Variants in LECT2 observed in about 807,000 individuals in gnomAD.
LECT2 encodes leukocyte cell-derived chemotaxin-2.
Under a neutral mutation model 16.6 loss-of-function variants are expected in LECT2, and 11 were observed. That is an observed-to-expected ratio of 0.66 (90% CI 0.42 to 1.09). The LOEUF (loss-of-function observed/expected upper bound fraction) is 1.09, where lower values mean the gene tolerates loss of function less well. Ranked by LOEUF, LECT2 falls within the 50% of genes least tolerant of loss-of-function variation. The probability of loss-of-function intolerance (pLI) is 0.00; values close to 1 mark genes in which losing one functional copy is unlikely to be tolerated. For synonymous variants in LECT2, 54 were observed against 64.8 expected, an observed-to-expected ratio of 0.83 and a Z score of 0.80; for missense variants, 173 against 184.2, an observed-to-expected ratio of 0.94 and a Z score of 0.35.
chr5:135,954,913 A>G lies in LECT2; in HGVS notation c.-80T>C. ...TTTGAAGAATATTCAAGTTTGAATG[A>G]ATACTTCCTAGCTATTTAGCCTTAG... On this transcript the variant is annotated 5_prime_UTR_variant, in exon 1 of 4. Transcript: ENST00000274507. 2.0e-6 allele frequency: 2 copies of G among 1,016,786 alleles called. No homozygotes were observed. The highest frequency in any genetic ancestry group is 1.8e-5 in the Admixed American group (1 of 56,654). 63.0% of individuals were successfully genotyped at this position (1,016,786 alleles called of 1,614,324 possible). A position where few individuals can be genotyped will look rare whatever the true frequency, so the allele number is the denominator to read the frequency against.
chr5:135,953,206 A>ATTT, intron 1 of LECT2: 43 of 318,998 alleles, frequency 1.3e-4, no homozygotes, highest in South Asian at 2.9e-4. Context: ...AGTGAATACA[A>ATTT]TTTTTTTTTT....
chr5:135,949,675 T>G (rs1763763756), intron 3 of LECT2, among the ~76,000 whole-genome samples: 1 of 152,222 alleles, frequency 6.6e-6, no homozygotes, highest in African/African-American at 2.4e-5. Flanking sequence ...AGCAGGACCC[T>G]TACGCAAAAG....
chr5:135,951,121 T>C lies in LECT2; in HGVS notation c.289+102A>G. 3 of 1,177,640 alleles carry C rather than the reference T, an allele frequency of 2.5e-6. No homozygotes were observed. The South Asian group carries it at 4.2e-5, about 17-fold the overall frequency. 72.9% of individuals were successfully genotyped at this position (1,177,640 alleles called of 1,614,324 possible). Reference sequence around the variant, plus strand: ...ATTCTTTCTGTTCCAGGTTTTATCATTTTGAAAGAAGTACAAAATCTCTAC... The same window carrying C: ...ATTCTTTCTGTTCCAGGTTTTATCACTTTGAAAGAAGTACAAAATCTCTAC... On this transcript the variant is annotated intron_variant, in intron 3 of 3. Coordinates refer to ENST00000274507, the MANE Select transcript of LECT2 (RefSeq NM_002302.3).
chr5:135,953,551 T>A (rs1763824352), intron 1 of LECT2, among the ~76,000 whole-genome samples: 1 of 152,224 alleles, frequency 6.6e-6, no homozygotes, highest in Non-Finnish European at 1.5e-5. Context: ...TTGCTTCAGA[T>A]CCATTAGTAA....
At chr5:135,953,899 T>C (rs1250066602) in intron 1 of LECT2, among the ~76,000 whole-genome samples, 1 of 151,968 alleles carries the variant, frequency 6.6e-6, no homozygotes, top group East Asian at 1.9e-4. Context: ...GAACCAATTA[T>C]ATGAAAAATT....
chr5:135,951,244 C>T lies in LECT2; in HGVS notation c.268G>A (p.Gly90Ser), dbSNP rs1763791801. Residue 90 changes from glycine to serine, a missense_variant, in exon 3 of 4, where the codon GGT (glycine) becomes AGT (serine). Gly to Ser is a moderately conservative substitution (Grantham distance 56, BLOSUM62 0). Coordinates refer to ENST00000274507, the MANE Select transcript of LECT2 (RefSeq NM_002302.3). The part of the protein sequence containing the change: ...PYQNKNAINN[G>S]VRISGRGFCV... Reference sequence around the variant, plus strand: ...TTACCTCTTCCAGATATTCGAACACCATTATTGATAGCATTCTTGTTTTGA... The same window carrying T: ...TTACCTCTTCCAGATATTCGAACACTATTATTGATAGCATTCTTGTTTTGA... The T allele has an allele frequency of 1.2e-6, 2 of 1,614,166 alleles. No individual in the cohort carries two copies. Among genetic ancestry groups the T allele is most frequent in the Non-Finnish European group, 1.7e-6 (2 of 1,180,016 alleles).
chr5:135,947,565 A>G (rs1269431883), intron 3 of LECT2, 68 bp from the exon 4 acceptor site: 47 of 1,395,608 alleles, frequency 3.4e-5, no homozygotes, highest in Non-Finnish European at 3.4e-5. Flanking sequence ...TAAAAAAATA[A>G]CAAATGGACA....
At chr5:135,949,662 C>T (rs1423614805) in intron 3 of LECT2, among the ~76,000 whole-genome samples, 6 of 152,222 alleles carry the variant, frequency 3.9e-5, no homozygotes, top group East Asian at 1.9e-4. Flanking sequence ...TGTTTGGCTG[C>T]GTAGCAGGAC....
At chr5:135,953,562 A>C (rs1039320281) in intron 1 of LECT2, among the ~76,000 whole-genome samples, 1 of 152,204 alleles carries the variant, frequency 6.6e-6, no homozygotes, top group African/African-American at 2.4e-5. Context: ...CCATTAGTAA[A>C]TGGTATAAGT....
In LECT2 at chr5:135,952,947, T is replaced by G; in HGVS notation, c.67A>C (p.Asn23His). ...ISTALAGPWA[N>H]ICAGKSSNEI... ...TTGGAAGACTTGCCAGCACATATATTAGCCCATGGCCCTGCCAGTGCTAAA... is the reference window on the plus strand; with the variant it reads ...TTGGAAGACTTGCCAGCACATATATGAGCCCATGGCCCTGCCAGTGCTAAA... The change falls in exon 2 of 4, where the codon AAT (asparagine) becomes CAT (histidine). Residue 23 changes from asparagine to histidine, a missense_variant. Coordinates refer to ENST00000274507, the MANE Select transcript of LECT2 (RefSeq NM_002302.3). The G allele has an allele frequency of 1.9e-6, 3 of 1,613,778 alleles. No individual in the cohort carries two copies. Among genetic ancestry groups the G allele is most frequent in the Non-Finnish European group, 2.5e-6 (3 of 1,179,662 alleles).
chr5:135,949,055 G>A (rs1425285757), intron 3 of LECT2, among the ~76,000 whole-genome samples: 2 of 152,118 alleles, frequency 1.3e-5, no homozygotes, highest in African/African-American at 4.8e-5. Context: ...ACTCCATCAG[G>A]TAGGTTTTAC....
intron 3 of LECT2, among the ~76,000 whole-genome samples, chr5:135,950,042 G>A (rs1371356958): frequency 1.3e-5 from 2 of 152,208 alleles, no homozygotes; most frequent in East Asian, 1.9e-4. Flanking sequence ...CAACCACTAT[G>A]TAGCTCCTCA....
intron 1 of LECT2, 57 bp from the exon 2 acceptor site, chr5:135,953,024 T>C: frequency 8.4e-7 from 1 of 1,188,318 alleles, no homozygotes; most frequent in Non-Finnish European, 1.3e-6. Context: ...CCTATCCCCA[T>C]TTGCCTTATC....
intron 3 of LECT2, 152 bp downstream of exon 3, chr5:135,951,071 A>G (rs1580673815): frequency 6.8e-6 from 5 of 738,710 alleles, no homozygotes; most frequent in African/African-American, 3.6e-5. Flanking sequence ...TAAAAAATGC[A>G]TCAGCTAGTT....
chr5:135,952,758 G>A (rs561165258), intron 2 of LECT2, 113 bp downstream of exon 2: 6 of 672,670 alleles, frequency 8.9e-6, no homozygotes, highest in African/African-American at 1.8e-5. Flanking sequence ...TACATCTCTG[G>A]TTTTTCATGC....
intron 1 of LECT2, 137 bp from the exon 2 acceptor site, chr5:135,953,104 A>G (rs1431198866): frequency 1.7e-6 from 1 of 584,352 alleles, no homozygotes; most frequent in Admixed American, 3.2e-5. Context: ...ATTTATGGGA[A>G]GATCGTCCTT....
intron 3 of LECT2, among the ~76,000 whole-genome samples, chr5:135,950,088 G>C (rs1054318703): frequency 6.6e-6 from 1 of 152,156 alleles, no homozygotes; most frequent in Non-Finnish European, 1.5e-5. Context: ...CCTCTCACAG[G>C]CTTGGTGAGG....
chr5:135,950,721 G>A (rs1763779933), intron 3 of LECT2: 1 of 156,068 alleles, frequency 6.4e-6, no homozygotes, highest in Non-Finnish European at 1.4e-5. Flanking sequence ...TGATTTGTGG[G>A]ATTTGAGTAA....
chr5:135,949,698 C>A lies in LECT2; in HGVS notation c.289+1525G>T, dbSNP rs145924593. ...CCTTACGCAAAAGGACTGAGCCTCC[C>A]TTTTGTTCAAGAGGCTCTGGGACTG... On this transcript the variant is annotated intron_variant, in intron 3 of 3. Coordinates refer to ENST00000274507, the MANE Select transcript of LECT2 (RefSeq NM_002302.3). Among the ~76,000 whole-genome samples the A allele has an allele frequency of 1.3e-4, 20 of 152,336 alleles. No individual in the cohort carries two copies. The East Asian group carries it at 3.7e-3, about 28-fold the overall frequency.
Sources: allele counts gnomAD v4.1 joint callset (sites outside exome capture counted in the v4.1 genomes callset), GRCh38; gene constraint gnomAD v4.1.1; transcripts MANE v1.5; gene names NCBI Gene and HGNC (gene_info 2026-07-23, HGNC 2026-07-21).